Variants in AGBL1 observed in about 807,000 individuals in gnomAD.
AGBL1 encodes the protein cytosolic carboxypeptidase 4.
Under a neutral mutation model 118.9 loss-of-function variants are expected in AGBL1, and 130 were observed. The observed-to-expected ratio is 1.09, with a 90% CI of 0.95 to 1.26. The LOEUF (loss-of-function observed/expected upper bound fraction) is 1.26. Among genes scored for constraint, AGBL1 ranks in the 50% most tolerant of loss-of-function variants. The pLI is 0.00. For missense variants in AGBL1, 1,584 were observed against 1,298.1 expected (o/e 1.22, Z -3.38); for synonymous variants, 555 against 478.9 (o/e 1.16, Z -2.08).
chr15:87,011,392 A>G (rs905522841), intron 24 of AGBL1, among the ~76,000 whole-genome samples: 2 of 152,220 alleles, frequency 1.3e-5, no homozygotes, highest in African/African-American at 4.8e-5. Context: ...AGCATTATTT[A>G]CAAGTAGAAC....
chr15:86,338,309 G>T (rs1054006682), intron 17 of AGBL1, among the ~76,000 whole-genome samples: 3 of 151,980 alleles, frequency 2.0e-5, no homozygotes, highest in Non-Finnish European at 2.9e-5. Context: ...AATCAGGGAG[G>T]TCAGGTGGCT....
intron 5 of AGBL1, among the ~76,000 whole-genome samples, chr15:86,211,846 C>G (rs1222813070): frequency 5.9e-5 from 9 of 152,120 alleles, no homozygotes; most frequent in Non-Finnish European, 2.9e-5. Context: ...ATGGGCTATA[C>G]CCACTGTCCC....
chr15:86,216,417 A>G (rs1417070690), intron 5 of AGBL1, among the ~76,000 whole-genome samples: 2 of 152,166 alleles, frequency 1.3e-5, no homozygotes, highest in Non-Finnish European at 2.9e-5. Context: ...CCACTTTATC[A>G]GTTTGAGGAA....
chr15:86,321,598 G>A (rs535554111), intron 17 of AGBL1, among the ~76,000 whole-genome samples: 14 of 150,578 alleles, frequency 9.3e-5, no homozygotes, highest in African/African-American at 2.2e-4. Flanking sequence ...GCAAAAACCC[G>A]TCTATATTAA....
intron 7 of AGBL1, among the ~76,000 whole-genome samples, chr15:86,255,451 C>T (rs2142010067): frequency 6.6e-6 from 1 of 152,246 alleles, no homozygotes; most frequent in Non-Finnish European, 1.5e-5. Context: ...GGAGAGAGAG[C>T]ACTCTTGATT....
chr15:86,483,256 C>A (rs1412359646), intron 18 of AGBL1, among the ~76,000 whole-genome samples: 1 of 152,044 alleles, frequency 6.6e-6, no homozygotes, highest in Non-Finnish European at 1.5e-5. Flanking sequence ...CCTCTGTAGA[C>A]TGGCCAGAAC....
intron 18 of AGBL1, among the ~76,000 whole-genome samples, chr15:86,458,088 A>G (rs1350364640): frequency 6.6e-6 from 1 of 152,178 alleles, no homozygotes; most frequent in Non-Finnish European, 1.5e-5. Context: ...CTTGAAAAAA[A>G]TGAGTTAAAA....
At position 86,494,091 on chromosome 15, in the gene AGBL1, T is replaced by C. The variant is rs918300110; in HGVS notation, c.2556-28719T>C. Among the ~76,000 whole-genome samples the C allele has an allele frequency of 2.6e-5, 4 of 152,058 alleles. No individual in the cohort carries two copies. The East Asian group carries it at 5.8e-4, about 22-fold the overall frequency. ...TCTCAGTCCTTGTGACGTTGGAGCA[T>C]GGGGTAAGAGGTGGGAGATGAGTCA... On this transcript the variant is annotated intron_variant, in intron 18 of 22. Coordinates refer to ENST00000614907, the MANE Select transcript of AGBL1 (RefSeq NM_001386094.1).
At chr15:86,507,090 C>T (rs1179339720) in intron 18 of AGBL1, among the ~76,000 whole-genome samples, 5 of 151,966 alleles carry the variant, frequency 3.3e-5, no homozygotes, top group Non-Finnish European at 5.9e-5. Context: ...AAATGACTCC[C>T]TAAATAAAAA....
intron 21 of AGBL1, among the ~76,000 whole-genome samples, chr15:86,558,381 T>G (rs2083766037): frequency 6.6e-6 from 1 of 152,168 alleles, no homozygotes; most frequent in South Asian, 2.1e-4. Flanking sequence ...GCCTTATCTC[T>G]GCTTCAGTTG....
chr15:87,004,019 G>A (rs147767327), intron 24 of AGBL1, among the ~76,000 whole-genome samples: 229 of 152,196 alleles, frequency 1.5e-3, no homozygotes, highest in African/African-American at 5.3e-3. Flanking sequence ...TTTTGAATGT[G>A]TTTGCTCTTG....
chr15:86,130,886 G>A (rs535013178), intron 1 of AGBL1, among the ~76,000 whole-genome samples: 11 of 152,274 alleles, frequency 7.2e-5, no homozygotes, highest in African/African-American at 2.6e-4. Flanking sequence ...GGTGTCTCTT[G>A]TATGGTTGCA....
chr15:86,383,990 C>G (rs73453494), intron 17 of AGBL1, among the ~76,000 whole-genome samples: 1,956 of 152,224 alleles, frequency 0.013, 46 homozygotes, highest in African/African-American at 0.043. Flanking sequence ...ATGTCTAAAC[C>G]TAGTGAAATG....
intron 1 of AGBL1, among the ~76,000 whole-genome samples, chr15:86,106,620 C>G (rs567436893): frequency 6.6e-6 from 1 of 152,346 alleles, no homozygotes; most frequent in South Asian, 2.1e-4. Context: ...ATGGACAGAA[C>G]ACTTCCTTCA....
intron 22 of AGBL1, among the ~76,000 whole-genome samples, chr15:86,864,724 G>C (rs1032124132): frequency 6.6e-6 from 1 of 152,152 alleles, no homozygotes; most frequent in African/African-American, 2.4e-5. Flanking sequence ...CATAGACTTA[G>C]TGGAGCATTC....
intron 22 of AGBL1, among the ~76,000 whole-genome samples, chr15:86,850,149 A>G (rs2079385706): frequency 6.6e-6 from 1 of 152,160 alleles, no homozygotes; most frequent in Non-Finnish European, 1.5e-5. Flanking sequence ...CATGTGTAAA[A>G]CACCTATTTA....
chr15:86,260,803 A>G (rs945381372), intron 9 of AGBL1, among the ~76,000 whole-genome samples: 7 of 152,210 alleles, frequency 4.6e-5, no homozygotes. Flanking sequence ...AGAAAGCATT[A>G]CCTGGATTAG....
chr15:86,247,550 T>C, intron 6 of AGBL1, 121 bp from the exon 7 acceptor site: 1 of 1,118,154 alleles, frequency 8.9e-7, no homozygotes, highest in Non-Finnish European at 1.3e-6. Flanking sequence ...GTTTTCATAC[T>C]AAAATGTTAT....
At chr15:86,113,070 T>A (rs77079575) in intron 1 of AGBL1, among the ~76,000 whole-genome samples, 1,564 of 152,222 alleles carry the variant, frequency 0.01, 18 homozygotes, top group African/African-American at 0.036. Context: ...GTTTCTCTGT[T>A]AGTAAATGGT....
Sources: allele counts gnomAD v4.1 joint callset (sites outside exome capture counted in the v4.1 genomes callset), GRCh38; gene constraint gnomAD v4.1.1; transcripts MANE v1.5; gene names NCBI Gene and HGNC (gene_info 2026-07-23, HGNC 2026-07-21).